Variants in FBN1 observed in about 807,000 individuals in gnomAD.
FBN1 encodes the protein fibrillin-1.
A neutral mutation model predicts 365.1 loss-of-function variants in FBN1; 29 were observed. That is an observed-to-expected ratio of 0.08 (90% CI 0.06 to 0.11). The LOEUF (loss-of-function observed/expected upper bound fraction) is 0.11. FBN1 is among the 10% of genes least tolerant of loss of function. FBN1 has a pLI of 1.00. For synonymous variants in FBN1, 1,210 were observed against 1,270.5 expected (o/e 0.95, Z 1.01); for missense variants, 2,476 against 3,703.2 (o/e 0.67, Z 8.60).
Position 48,508,714 on chromosome 15 carries a change from C to A in FBN1, c.1715-10G>T, listed in dbSNP as rs764128146. Reference sequence around the variant, plus strand: ...CTGCATTCATCCATATCTGAAAATACAAAACATACATTTTCTTATGACCAG... The same window carrying A: ...CTGCATTCATCCATATCTGAAAATAAAAAACATACATTTTCTTATGACCAG... On this transcript the variant is annotated splice_polypyrimidine_tract_variant and intron_variant, in intron 14 of 65. Transcript: ENST00000316623. 2 of 1,613,338 alleles carry A rather than the reference C, an allele frequency of 1.2e-6. No individual in the cohort carries two copies. The highest frequency in any genetic ancestry group is 4.5e-5 in the East Asian group (2 of 44,862).
chr15:48,455,127 TAA>T (rs2043229277), intron 44 of FBN1, among the ~76,000 whole-genome samples: 1 of 152,180 alleles, frequency 6.6e-6, no homozygotes, highest in South Asian at 2.1e-4. Context: ...TTCTAAGAGC[TAA>T]GAGTATGCTA....
chr15:48,521,213 A>G (rs1055371878), intron 9 of FBN1, among the ~76,000 whole-genome samples: 2 of 152,220 alleles, frequency 1.3e-5, no homozygotes, highest in African/African-American at 4.8e-5. Context: ...AATTCGAGCC[A>G]TTTTAGGAAA....
chr15:48,437,980 C>G, intron 50 of FBN1, 63 bp from the exon 51 acceptor site: 2 of 1,552,524 alleles, frequency 1.3e-6, no homozygotes, highest in Admixed American at 3.3e-5. Flanking sequence ...TGCACCATAG[C>G]AAATAAAGAA....
rs1481367562 is a variant in FBN1, at chr15:48,505,152, G to A, written c.1838-5C>T. On this transcript the variant is annotated splice_polypyrimidine_tract_variant and splice_region_variant and intron_variant, in intron 15 of 65. Coordinates refer to ENST00000316623, the MANE Select transcript of FBN1 (RefSeq NM_000138.5). ...GGGTTTCACACTCGTTAATGTCTGT[G>A]GCAGAGAAAGGCACTTATTAAAAAT... 6.2e-7 allele frequency: 1 copy of A among 1,613,890 alleles called. No individual in the cohort carries two copies. The highest frequency in any genetic ancestry group is 1.3e-5 in the African/African-American group (1 of 74,890).
At chr15:48,486,019 C>G (rs12901992) in intron 29 of FBN1, among the ~76,000 whole-genome samples, 16,855 of 152,172 alleles carry the variant, frequency 0.11, 1,084 homozygotes, top group Non-Finnish European at 0.14. Flanking sequence ...AGAGATGAGA[C>G]TCTAATAGTG....
rs920215896 is a variant in FBN1 at position 48,410,281 on chromosome 15, T to G, written c.*709A>C. The G allele has an allele frequency of 1.3e-5, 2 of 152,700 alleles. No homozygotes were observed. The highest frequency in any genetic ancestry group is 2.9e-5 in the Non-Finnish European group (2 of 68,090). 9.5% of individuals were successfully genotyped at this position (152,700 alleles called of 1,614,324 possible). A position where few individuals can be genotyped will look rare whatever the true frequency, so the allele number is the denominator to read the frequency against. On this transcript the variant is annotated 3_prime_UTR_variant, in exon 66 of 66. Coordinates refer to ENST00000316623, the MANE Select transcript of FBN1 (RefSeq NM_000138.5). ...TCACCGAAATTTCATTACCACTTGG[T>G]GTATACATTTAACAAGTCTTTGGTC...
Position 48,471,093 on chromosome 15 carries a change from T to A in FBN1, c.4337-337A>T, listed in dbSNP as rs79542698. Among the ~76,000 whole-genome samples the A allele has an allele frequency of 8.1e-4, 124 of 152,222 alleles. 1 individual carries two copies. Among genetic ancestry groups the A allele is most frequent in the Non-Finnish European group, 3.4e-4 (23 of 68,006 alleles). On this transcript the variant is annotated intron_variant, in intron 35 of 65. Transcript: ENST00000316623. ...TTACGCTAAATTCGTTTTTTTTTTT[T>A]AATCTATCTATGTAGTCACTGTTTT...
chr15:48,461,684 T>A (rs2043281325), intron 42 of FBN1, among the ~76,000 whole-genome samples: 1 of 152,122 alleles, frequency 6.6e-6, no homozygotes, highest in African/African-American at 2.4e-5. Flanking sequence ...AGATCAAGGG[T>A]CAGCAAACTT....
intron 4 of FBN1, among the ~76,000 whole-genome samples, chr15:48,605,118 T>G (rs893368698): frequency 6.6e-6 from 1 of 152,172 alleles, no homozygotes; most frequent in Admixed American, 6.5e-5. Flanking sequence ...GCAATTCCTA[T>G]CAAAATCCTA....
At chr15:48,526,089 G>C (rs781415188) in intron 9 of FBN1, 41 bp downstream of exon 9, 6 of 1,612,500 alleles carry the variant, frequency 3.7e-6, no homozygotes, top group East Asian at 2.2e-5. Context: ...TTATGGAACT[G>C]ACTTACACAA....
intron 6 of FBN1, among the ~76,000 whole-genome samples, chr15:48,541,757 C>T (rs2044059735): frequency 6.8e-6 from 1 of 147,924 alleles, no homozygotes; most frequent in Non-Finnish European, 1.5e-5. Context: ...ATAGTCTCAG[C>T]ATTAGACAGG....
intron 36 of FBN1, 119 bp downstream of exon 36, chr15:48,470,515 T>C: frequency 1.5e-6 from 2 of 1,353,736 alleles, no homozygotes; most frequent in South Asian, 2.4e-5. Flanking sequence ...TGATTCTTAA[T>C]ACTTCCCCCT....
At chr15:48,446,038 T>G (rs997302822) in intron 47 of FBN1, among the ~76,000 whole-genome samples, 4 of 152,188 alleles carry the variant, frequency 2.6e-5, no homozygotes, top group African/African-American at 9.6e-5. Flanking sequence ...TCATATAATT[T>G]CTATACAAAG....
At chr15:48,626,163 G>A (rs1889872511) in intron 2 of FBN1, among the ~76,000 whole-genome samples, 1 of 151,790 alleles carries the variant, frequency 6.6e-6, no homozygotes, top group South Asian at 2.1e-4. Context: ...AAGGCTGAGT[G>A]GGAGGATCAC....
intron 6 of FBN1, among the ~76,000 whole-genome samples, chr15:48,538,240 C>T (rs1384688384): frequency 6.6e-6 from 1 of 152,158 alleles, no homozygotes; most frequent in African/African-American, 2.4e-5. Context: ...AGCTTCCAGT[C>T]TATTGTTATT....
chr15:48,579,937 T>G (rs1322212181), intron 6 of FBN1, among the ~76,000 whole-genome samples: 2 of 152,146 alleles, frequency 1.3e-5, no homozygotes, highest in Non-Finnish European at 2.9e-5. Flanking sequence ...AAATAATGAA[T>G]AAACCAGAGT....
At chr15:48,497,025 A>G (rs1295270410) in intron 19 of FBN1, among the ~76,000 whole-genome samples, 1 of 150,426 alleles carries the variant, frequency 6.6e-6, no homozygotes, top group African/African-American at 2.4e-5. Context: ...CTGATACATC[A>G]TTATTTTAAG....
At chr15:48,577,710 T>A (rs944731018) in intron 6 of FBN1, among the ~76,000 whole-genome samples, 1 of 152,204 alleles carries the variant, frequency 6.6e-6, no homozygotes, top group Admixed American at 6.5e-5. Context: ...AGTCAATGGC[T>A]TGTGATTACT....
At chr15:48,610,551 G>A (rs1004661774) in intron 4 of FBN1, among the ~76,000 whole-genome samples, 177 bp downstream of exon 4, 1 of 152,100 alleles carries the variant, frequency 6.6e-6, no homozygotes, top group African/African-American at 2.4e-5. Context: ...AGTAAAGAAG[G>A]GAAATGAGAG....
Sources: allele counts gnomAD v4.1 joint callset (sites outside exome capture counted in the v4.1 genomes callset), GRCh38; gene constraint gnomAD v4.1.1; transcripts MANE v1.5; gene names NCBI Gene and HGNC (gene_info 2026-07-23, HGNC 2026-07-21).